Variants in ADRA1A observed in about 807,000 individuals in gnomAD.
ADRA1A encodes alpha-1A adrenergic receptor.
Under a neutral mutation model 29.6 loss-of-function variants are expected in ADRA1A, and 31 were observed. The observed-to-expected ratio is 1.05, with a 90% CI of 0.79 to 1.41. The LOEUF (loss-of-function observed/expected upper bound fraction) is 1.41. Ranked by LOEUF, ADRA1A falls within the 40% of genes most tolerant of loss-of-function variation. ADRA1A has a pLI of 0.00. For synonymous variants in ADRA1A, 311 were observed against 254.3 expected (o/e 1.22, Z -2.12); for missense variants, 619 against 601.1 (o/e 1.03, Z -0.31).
intron 2 of ADRA1A, among the ~76,000 whole-genome samples, chr8:26,783,161 A>G (rs1183815132): frequency 6.6e-6 from 1 of 152,162 alleles, no homozygotes; most frequent in East Asian, 1.9e-4. Context: ...CCCTCCCTTG[A>G]GTAAGTCATT....
At chr8:26,820,402 C>T (rs948345071) in intron 2 of ADRA1A, among the ~76,000 whole-genome samples, 1 of 152,076 alleles carries the variant, frequency 6.6e-6, no homozygotes, top group Non-Finnish European at 1.5e-5. Context: ...TTTTTGACCA[C>T]AATTATTGTC....
chr8:26,856,395 A>G (rs1177648760), intron 2 of ADRA1A, among the ~76,000 whole-genome samples: 1 of 152,208 alleles, frequency 6.6e-6, no homozygotes, highest in African/African-American at 2.4e-5. Context: ...AATGCTGTAT[A>G]AACTCTATCA....
chr8:26,865,386 C>G lies in ADRA1A; in HGVS notation c.-417G>C, dbSNP rs1211281025. ...CCTGGCTGGGGGAAGATTCAGCATT[C>G]TGCACATGATTCGGAATTCAAAACT... On this transcript the variant is annotated 5_prime_UTR_variant, in exon 2 of 3. Coordinates refer to ENST00000380573, the MANE Select transcript of ADRA1A (RefSeq NM_000680.4). This position sits in a 1 kb window ranked among gnomAD's most constrained non-coding sequence, Gnocchi z 7.6. The G allele has an allele frequency of 9.8e-7, 1 of 1,019,770 alleles. No homozygotes were observed. Among genetic ancestry groups the G allele is most frequent in the Non-Finnish European group, 1.2e-6 (1 of 851,260 alleles). The allele number at this position is 1,019,770 out of a possible 1,614,324, so 63.2% of individuals were successfully genotyped here.
chr8:26,769,891 G>T lies in ADRA1A; in HGVS notation c.*258C>A. On this transcript the variant is annotated 3_prime_UTR_variant, in exon 3 of 3. Coordinates refer to ENST00000380573, the MANE Select transcript of ADRA1A (RefSeq NM_000680.4). ...TCCCATGGTGGTTTTCGTTGAAGTG[G>T]GCACAGAGTGACCAAGAAAGCATTA... 1 of 1,230,778 alleles carries T rather than the reference G, an allele frequency of 8.1e-7. No homozygotes were observed. Among genetic ancestry groups the T allele is most frequent in the Non-Finnish European group, 1.0e-6 (1 of 986,038 alleles). 76.2% of individuals were successfully genotyped at this position (1,230,778 alleles called of 1,614,324 possible). A position where few individuals can be genotyped will look rare whatever the true frequency, so the allele number is the denominator to read the frequency against.
intron 2 of ADRA1A, among the ~76,000 whole-genome samples, chr8:26,833,272 C>A (rs965591574): frequency 6.6e-6 from 1 of 152,142 alleles, no homozygotes; most frequent in African/African-American, 2.4e-5. Flanking sequence ...CTTGACCTCG[C>A]CACATGGAAG....
At chr8:26,784,070 C>G (rs1245295246) in intron 2 of ADRA1A, among the ~76,000 whole-genome samples, 1 of 152,152 alleles carries the variant, frequency 6.6e-6, no homozygotes, top group Non-Finnish European at 1.5e-5. Flanking sequence ...CTAATGGATG[C>G]TGGGCTCAAT....
chr8:26,807,219 C>T (rs1306181256), intron 2 of ADRA1A, among the ~76,000 whole-genome samples: 5 of 152,184 alleles, frequency 3.3e-5, no homozygotes, highest in Non-Finnish European at 7.3e-5. Flanking sequence ...CCACTGAGCT[C>T]TGCTAGTCTC....
In ADRA1A at chr8:26,750,480, G is replaced by T. The variant is rs368378993; in HGVS notation, c.1270-1732C>A. On this transcript the variant is annotated intron_variant, in intron 2 of 2. Coordinates refer to the ADRA1A transcript ENST00000380586. ...GCCTCCGAACGTGCTGGGATTACAG[G>T]CATGAGCCACCACACCCAGCTGGGT... is the stretch of plus-strand genomic sequence containing the variant. Among the ~76,000 whole-genome samples the T allele has an allele frequency of 3.9e-5, 6 of 152,274 alleles. No homozygotes were observed. In the South Asian group the frequency reaches 1.2e-3, roughly 32 times the overall value.
chr8:26,810,446 G>A (rs996655390), intron 2 of ADRA1A, among the ~76,000 whole-genome samples: 4 of 152,222 alleles, frequency 2.6e-5, no homozygotes, highest in African/African-American at 9.6e-5. Flanking sequence ...TCTTGCAGCA[G>A]TGTGATAATG....
chr8:26,866,167 C>T lies in ADRA1A; in HGVS notation c.-686-512G>A, dbSNP rs574584. Reference sequence around the variant, plus strand: ...AGGGCCAGGACCACGAGCACGCTCACTCTCACGCCGGTGGAATTCGCACTC... The same window carrying T: ...AGGGCCAGGACCACGAGCACGCTCATTCTCACGCCGGTGGAATTCGCACTC... On this transcript the variant is annotated intron_variant, in intron 1 of 2. Transcript: ENST00000380573. This position sits in a 1 kb window ranked among gnomAD's most constrained non-coding sequence, Gnocchi z 5.7. 0.88 allele frequency among the ~76,000 whole-genome samples: 133,126 copies of T among 152,120 alleles called. 59,168 individuals are homozygous for T. Among genetic ancestry groups the T allele is most frequent in the Non-Finnish European group, 0.95 (64,894 of 68,006 alleles).
chr8:26,776,240 T>A (rs1281248657), intron 2 of ADRA1A, among the ~76,000 whole-genome samples: 1 of 152,204 alleles, frequency 6.6e-6, no homozygotes, highest in Non-Finnish European at 1.5e-5. Flanking sequence ...GCACTGGTCA[T>A]TAGGGGGTTC....
intron 2 of ADRA1A, among the ~76,000 whole-genome samples, chr8:26,774,317 G>A (rs891451404): frequency 6.6e-6 from 1 of 152,152 alleles, no homozygotes; most frequent in Non-Finnish European, 1.5e-5. Flanking sequence ...GACTGGCTGG[G>A]GTTAGATGAG....
chr8:26,780,883 G>A (rs895321915), intron 2 of ADRA1A, among the ~76,000 whole-genome samples: 3 of 152,232 alleles, frequency 2.0e-5, no homozygotes, highest in Admixed American at 6.5e-5. Flanking sequence ...ATGATCTGTT[G>A]CTGTCTCCAT....
intron 2 of ADRA1A, among the ~76,000 whole-genome samples, chr8:26,844,354 C>T (rs1812048142): frequency 6.6e-6 from 1 of 152,146 alleles, no homozygotes; most frequent in African/African-American, 2.4e-5. Flanking sequence ...ACATTGTGTA[C>T]CTGTCCTATT....
At position 26,866,162 on chromosome 8, in the gene ADRA1A, G is replaced by T. The variant is rs1016094011; in HGVS notation, c.-686-507C>A. 2.6e-5 allele frequency among the ~76,000 whole-genome samples: 4 copies of T among 152,124 alleles called. No individual in the cohort carries two copies. Among genetic ancestry groups the T allele is most frequent in the African/African-American group, 9.7e-5 (4 of 41,400 alleles). The stretch of plus-strand genomic sequence containing the variant: ...ACCTCAGGGCCAGGACCACGAGCAC[G>T]CTCACTCTCACGCCGGTGGAATTCG... On this transcript the variant is annotated intron_variant, in intron 1 of 2. Transcript: ENST00000380573. This position sits in a 1 kb window ranked among gnomAD's most constrained non-coding sequence, Gnocchi z 5.7.
rs573864982 is a variant in ADRA1A, at chr8:26,816,605, C to G, written c.884-45939G>C. On this transcript the variant is annotated intron_variant, in intron 2 of 2. Transcript: ENST00000380573. ...GTGTGCACACGCTCATGTGCACACG[C>G]CTAACACACTGAGGCAGCCTGCATG... 3.3e-5 allele frequency among the ~76,000 whole-genome samples: 5 copies of G among 151,698 alleles called. No individual in the cohort carries two copies. In the South Asian group the frequency reaches 6.2e-4, roughly 19 times the overall value.
intron 2 of ADRA1A, among the ~76,000 whole-genome samples, chr8:26,811,822 T>C (rs557116400): frequency 6.6e-6 from 1 of 152,372 alleles, no homozygotes; most frequent in East Asian, 1.9e-4. Flanking sequence ...GTAAATGTCG[T>C]CACGTGGAAC....
At position 26,796,858 on chromosome 8, in the gene ADRA1A, G is replaced by A. The variant is rs761235876; in HGVS notation, c.884-26192C>T. Among the ~76,000 whole-genome samples the A allele has an allele frequency of 3.3e-5, 5 of 152,122 alleles. No homozygotes were observed. The highest frequency in any genetic ancestry group is 7.4e-5 in the Non-Finnish European group (5 of 68,012). ...TTTTGCATATGGCTTTGTTTTAAAGGCAGATATGTTCAGGACATATTGGAG... is the reference window on the plus strand; with the variant it reads ...TTTTGCATATGGCTTTGTTTTAAAGACAGATATGTTCAGGACATATTGGAG... On this transcript the variant is annotated intron_variant, in intron 2 of 2. Transcript: ENST00000380573. This position sits in a 1 kb window ranked among gnomAD's most constrained non-coding sequence, Gnocchi z 5.0.
intron 2 of ADRA1A, among the ~76,000 whole-genome samples, chr8:26,773,581 G>A (rs1806331795): frequency 6.6e-6 from 1 of 152,040 alleles, no homozygotes; most frequent in Admixed American, 6.5e-5. Context: ...AGCGAGGGAG[G>A]GGAGGGTCGT....
Sources: gnomAD v4.1 joint callset for allele counts (sites outside exome capture counted in the v4.1 genomes callset) on GRCh38, gnomAD v4.1.1 for gene constraint, Gnocchi (gnomAD v3.1) non-coding constraint, MANE v1.5 for transcripts, NCBI Gene and HGNC (gene_info 2026-07-23, HGNC 2026-07-21) for gene names.